The following ZFHX3 variants were observed in gnomAD, a reference collection of about 807,000 sequenced individuals.
The protein encoded by ZFHX3 is zinc finger homeobox protein 3.
In ZFHX3, 42 loss-of-function variants were observed where a neutral mutation model predicts 279.1. The ratio of observed to expected loss-of-function variants is 0.15; its 90% confidence interval spans 0.12 to 0.19. ZFHX3 has a LOEUF of 0.19. ZFHX3 is among the 10% of genes least tolerant of loss of function. The pLI is 1.00. For synonymous variants in ZFHX3, 2,293 were observed against 1,957.8 expected, an observed-to-expected ratio of 1.17 and a Z score of -4.52; for missense variants, 4,981 against 4,754.0, an observed-to-expected ratio of 1.05 and a Z score of -1.40.
In ZFHX3 at chr16:72,811,560, G is replaced by T. The variant is rs778612674; in HGVS notation, c.3864+17C>A. On this transcript the variant is annotated intron_variant, in intron 7 of 9. Transcript: ENST00000268489. ...CCCTGGAGAAAGACCACAGGGTGCT[G>T]CTCCTGGCTGCCTTACCGTCATAAT... 2.4e-5 allele frequency: 38 copies of T among 1,565,214 alleles called. No homozygotes were observed. The Middle Eastern group carries it at 5.9e-4, about 24-fold the overall frequency.
intron 4 of ZFHX3, among the ~76,000 whole-genome samples, chr16:73,273,480 C>T (rs1224136829): frequency 6.6e-6 from 1 of 152,102 alleles, no homozygotes; most frequent in Non-Finnish European, 1.5e-5. Flanking sequence ...ATGCATATAC[C>T]ATCAAAATTT....
At chr16:73,349,354 CT>C (rs1417794607) in intron 3 of ZFHX3, among the ~76,000 whole-genome samples, 9 of 152,182 alleles carry the variant, frequency 5.9e-5, no homozygotes, top group African/African-American at 1.9e-4. Context: ...GAAGAATTAC[CT>C]CTAACCAAGT....
intron 7 of ZFHX3, among the ~76,000 whole-genome samples, chr16:73,105,274 C>T (rs1966280923): frequency 6.7e-6 from 1 of 148,522 alleles, no homozygotes; most frequent in African/African-American, 2.5e-5. Context: ...TATATATATA[C>T]ACACACAGAC....
At chr16:73,650,457 G>A (rs1029532180) in intron 2 of ZFHX3, among the ~76,000 whole-genome samples, 4 of 152,066 alleles carry the variant, frequency 2.6e-5, no homozygotes, top group African/African-American at 9.6e-5. Flanking sequence ...CACTCTCAGG[G>A]GACTGACTTA....
At chr16:73,640,256 G>T (rs2052562078) in intron 2 of ZFHX3, among the ~76,000 whole-genome samples, 1 of 152,146 alleles carries the variant, frequency 6.6e-6, no homozygotes, top group African/African-American at 2.4e-5. Context: ...TCCAAAAAGA[G>T]AATTATCACT....
At chr16:73,268,165 T>C (rs2014033139) in intron 4 of ZFHX3, among the ~76,000 whole-genome samples, 1 of 152,208 alleles carries the variant, frequency 6.6e-6, no homozygotes, top group South Asian at 2.1e-4. Context: ...TCTTCCTTTT[T>C]TTTCCCTAGA....
chr16:73,604,665 A>C (rs1026279074), intron 2 of ZFHX3, among the ~76,000 whole-genome samples: 1 of 150,150 alleles, frequency 6.7e-6, no homozygotes, highest in Admixed American at 6.7e-5. Context: ...GAATGGCTTC[A>C]CCCCGGGAGG....
At chr16:72,943,114 A>G (rs1960490720) in intron 3 of ZFHX3, among the ~76,000 whole-genome samples, 1 of 152,202 alleles carries the variant, frequency 6.6e-6, no homozygotes, top group Admixed American at 6.5e-5. Context: ...AGCTTTTCAC[A>G]CCAGCTAGGA....
intron 3 of ZFHX3, among the ~76,000 whole-genome samples, chr16:72,942,451 A>T (rs1960457360): frequency 6.6e-6 from 1 of 152,144 alleles, no homozygotes; most frequent in African/African-American, 2.4e-5. Context: ...TGGAAGTTTG[A>T]GGTTTCTCTC....
chr16:73,083,021 T>TA (rs71156139), intron 8 of ZFHX3, among the ~76,000 whole-genome samples: 8,225 of 131,404 alleles, frequency 0.063, 571 homozygotes, highest in African/African-American at 0.19. Context: ...CCATCTCTAC[T>TA]AAAAAAAAAA....
chr16:73,144,730 C>A (rs1182246941), intron 5 of ZFHX3, among the ~76,000 whole-genome samples: 2 of 152,144 alleles, frequency 1.3e-5, no homozygotes, highest in Non-Finnish European at 2.9e-5. Context: ...TCTCTCCTAC[C>A]CGCCCCTCCC....
At position 72,957,571 on chromosome 16, in the gene ZFHX3, C is replaced by T; in HGVS notation, c.2575G>A (p.Ala859Thr). The T allele has an allele frequency of 6.2e-7, 1 of 1,613,548 alleles. No homozygotes were observed. Residue 859 changes from alanine to threonine, a missense_variant, in exon 2 of 10, where the codon GCC (alanine) becomes ACC (threonine). Transcript: ENST00000268489. ...GLGSLPSPAEAELYQYYLAQN... is the reference protein window; with the variant it reads ...GLGSLPSPAETELYQYYLAQN... The stretch of plus-strand genomic sequence containing the variant: ...GCCAGGTAGTATTGGTAGAGCTCGG[C>T]CTCGGCGGGTGAGGGCAGGCTGCCG...
chr16:73,880,325 T>G (rs771058142), intron 1 of ZFHX3, among the ~76,000 whole-genome samples: 2 of 152,104 alleles, frequency 1.3e-5, no homozygotes, highest in East Asian at 3.8e-4. Context: ...TTAAGGGGCT[T>G]CACTATTCAA....
intron 5 of ZFHX3, among the ~76,000 whole-genome samples, chr16:73,167,602 G>C (rs1967404372): frequency 6.6e-6 from 1 of 152,180 alleles, no homozygotes. Context: ...TCTTGAAACT[G>C]AGAACGTTGG....
At chr16:73,034,358 C>T (rs1964823313) in intron 1 of ZFHX3, among the ~76,000 whole-genome samples, 1 of 152,120 alleles carries the variant, frequency 6.6e-6, no homozygotes, top group South Asian at 2.1e-4. Flanking sequence ...GTGACCCTCC[C>T]AACAGTGGCA....
At chr16:73,553,106 GA>G (rs1396956374) in intron 2 of ZFHX3, among the ~76,000 whole-genome samples, 1 of 151,662 alleles carries the variant, frequency 6.6e-6, no homozygotes. Context: ...GGCTCCATGA[GA>G]AAAATCAAAC....
At chr16:73,557,920 C>T (rs2020311434) in intron 2 of ZFHX3, among the ~76,000 whole-genome samples, 1 of 152,036 alleles carries the variant, frequency 6.6e-6, no homozygotes, top group South Asian at 2.1e-4. Context: ...ACCAAAACCC[C>T]CAAAAGCACA....
At chr16:73,090,836 A>C (rs1219661168) in intron 8 of ZFHX3, among the ~76,000 whole-genome samples, 1 of 150,232 alleles carries the variant, frequency 6.7e-6, no homozygotes, top group Non-Finnish European at 1.5e-5. Flanking sequence ...ACTTGAGCCC[A>C]AGAGGTCAAG....
rs934581271 is a variant in ZFHX3, at chr16:73,608,546, T to C, written c.-1547+71634A>G. The C allele has an allele frequency of 1.1e-4, 17 of 152,180 alleles. 1 individual carries two copies. Among genetic ancestry groups the C allele is most frequent in the Non-Finnish European group, 2.9e-5 (2 of 68,016 alleles). The allele number at this position is 152,180 out of a possible 1,614,324, so 9.4% of individuals were successfully genotyped here. A position where few individuals can be genotyped will look rare whatever the true frequency, so the allele number is the denominator to read the frequency against. ...AACATTGTTTTTTATCTTGATGAAA[T>C]TGAAAAAATTTCTCTGGAGCTCAAT... On this transcript the variant is annotated intron_variant, in intron 2 of 17. Transcript: ENST00000641206.
Sources: gnomAD v4.1 joint callset for allele counts (sites outside exome capture counted in the v4.1 genomes callset) on GRCh38, gnomAD v4.1.1 for gene constraint, MANE v1.5 for transcripts, NCBI Gene and HGNC (gene_info 2026-07-23, HGNC 2026-07-21) for gene names.